The following CAPN3 variants were observed in gnomAD, a reference collection of about 807,000 sequenced individuals.
CAPN3 encodes the protein calpain 3, also known as calpain-3.
A neutral mutation model predicts 114.0 loss-of-function variants in CAPN3; 88 were observed. That is an observed-to-expected ratio of 0.77 (90% confidence interval 0.65 to 0.92). The LOEUF (loss-of-function observed/expected upper bound fraction) is 0.92, where lower values mean the gene tolerates loss of function less well. Among genes scored for constraint, CAPN3 ranks in the 40% least tolerant of loss-of-function variants. The probability of loss-of-function intolerance (pLI) is 0.00; values close to 1 mark genes in which losing one functional copy is unlikely to be tolerated. For missense variants in CAPN3, 1,028 were observed against 1,069.0 expected (o/e 0.96, Z 0.53); for synonymous variants, 386 against 382.9 (o/e 1.01, Z -0.09).
At chr15:42,388,156 T>C (rs535633114) in intron 4 of CAPN3, among the ~76,000 whole-genome samples, 6 of 152,326 alleles carry the variant, frequency 3.9e-5, no homozygotes, top group Non-Finnish European at 5.9e-5. Flanking sequence ...TGCACCTCCA[T>C]GGTGGCATTG....
rs868791726 is a variant in CAPN3, at chr15:42,410,925, C to T, written c.2305C>T (p.Arg769Trp). ...CCAGCTCTATGACATCATTACCATG[C>T]GGTACGCAGACAAACACATGAACAT... The part of the protein sequence containing the change: ...NNQLYDIITM[R>W]YADKHMNIDF... Residue 769 changes from arginine to tryptophan, a missense_variant, in exon 22 of 24, where the codon CGG (arginine) becomes TGG (tryptophan). Arg to Trp is a moderately radical substitution (Grantham distance 101, BLOSUM62 -3). Transcript: ENST00000397163. 24 of 1,614,144 alleles carry T rather than the reference C, an allele frequency of 1.5e-5. No homozygotes were observed. Among genetic ancestry groups the T allele is most frequent in the East Asian group, 4.5e-5 (2 of 44,888 alleles).
intron 12 of CAPN3, 162 bp from the exon 13 acceptor site, chr15:42,402,632 G>C: frequency 3.3e-6 from 5 of 1,530,192 alleles, no homozygotes; most frequent in Non-Finnish European, 4.4e-6. Context: ...AAGAGGAAGT[G>C]AGGTAGGGAG....
chr15:42,387,991 G>T lies in CAPN3; in HGVS notation c.632+105G>T, dbSNP rs533681422. ...GGAAGAGGCATGTGCCTCTATACGT[G>T]CATATGTGTGGGCATGCAAGTCCAA... On this transcript the variant is annotated intron_variant, in intron 4 of 23. Coordinates refer to ENST00000397163, the MANE Select transcript of CAPN3 (RefSeq NM_000070.3). 7.4e-5 allele frequency: 102 copies of T among 1,374,192 alleles called. No homozygotes were observed. The South Asian group carries it at 7.8e-4, about 11-fold the overall frequency. The allele number at this position is 1,374,192 out of a possible 1,614,324, so 85.1% of individuals were successfully genotyped here.
At chr15:42,370,030 G>A (rs1217498746) in intron 1 of CAPN3, among the ~76,000 whole-genome samples, 5 of 151,964 alleles carry the variant, frequency 3.3e-5, no homozygotes, top group East Asian at 1.9e-4. Flanking sequence ...CCGGCACCAC[G>A]CTTGGCTAAT....
At chr15:42,366,240 T>C (rs989391138) in intron 1 of CAPN3, among the ~76,000 whole-genome samples, 1 of 152,188 alleles carries the variant, frequency 6.6e-6, no homozygotes, top group African/African-American at 2.4e-5. Context: ...CCCATCTAAC[T>C]CACAACCCTG....
intron 4 of CAPN3, 129 bp from the exon 5 acceptor site, chr15:42,388,799 A>G: frequency 1.2e-6 from 1 of 828,044 alleles, no homozygotes; most frequent in East Asian, 2.4e-5. Context: ...CCATGAGCTC[A>G]TAGGGTTAAT....
rs569119291 is a variant in CAPN3 at position 42,408,340 on chromosome 15, G to A, written c.1914+16G>A. 5.8e-6 allele frequency: 9 copies of A among 1,552,302 alleles called. No homozygotes were observed. The highest frequency in any genetic ancestry group is 4.4e-6 in the Non-Finnish European group (5 of 1,124,192). ...GTCCCCACAGGTGTCTGGGCATGTG[G>A]CATGGGTGGGGTGGCCAGCACGCTA... is the stretch of plus-strand genomic sequence containing the variant. On this transcript the variant is annotated intron_variant, in intron 16 of 23. Coordinates refer to ENST00000397163, the MANE Select transcript of CAPN3 (RefSeq NM_000070.3).
chr15:42,395,295 ATGCACGC>A (rs1365112992), intron 8 of CAPN3, among the ~76,000 whole-genome samples: 1 of 152,070 alleles, frequency 6.6e-6, no homozygotes, highest in Non-Finnish European at 1.5e-5. Flanking sequence ...TCCTTCACCT[ATGCACGC>A]TACACCTATC....
At chr15:42,363,173 A>G (rs1057349603) in intron 1 of CAPN3, among the ~76,000 whole-genome samples, 2 of 152,162 alleles carry the variant, frequency 1.3e-5, no homozygotes, top group East Asian at 1.9e-4. Flanking sequence ...CACCAGTGCT[A>G]CCTCACAGAC....
chr15:42,402,227 G>A (rs2053893312), intron 12 of CAPN3, 92 bp downstream of exon 12: 1 of 1,607,004 alleles, frequency 6.2e-7, no homozygotes, highest in Non-Finnish European at 8.5e-7. Context: ...TCCTGGTGGG[G>A]TTTGTGGGCA....
chr15:42,404,940 G>A, intron 14 of CAPN3: 1 of 999,452 alleles, frequency 1.0e-6, no homozygotes, highest in Non-Finnish European at 1.2e-6. Context: ...AAAGCTTATG[G>A]GAGCTGGCAC....
chr15:42,382,373 G>GT (rs1432866186), intron 1 of CAPN3, among the ~76,000 whole-genome samples: 2 of 151,702 alleles, frequency 1.3e-5, no homozygotes, highest in African/African-American at 4.8e-5. Context: ...TTTTGTTTTT[G>GT]TTTTTGTTTT....
chr15:42,388,458 A>G lies in CAPN3; in HGVS notation c.633-470A>G, dbSNP rs28364413. 3.7e-3 allele frequency among the ~76,000 whole-genome samples: 569 copies of G among 152,210 alleles called. 25 individuals are homozygous for G. In the East Asian group the frequency reaches 0.095, roughly 25 times the overall value. ...GTAGCTGGGACTACATGCGGGCATC[A>G]CCATGCCCAGTTAATTTTTGTATTT... On this transcript the variant is annotated intron_variant, in intron 4 of 23. Coordinates refer to ENST00000397163, the MANE Select transcript of CAPN3 (RefSeq NM_000070.3).
chr15:42,359,716 T>TC lies in CAPN3; in HGVS notation c.-88dup. On this transcript the variant is annotated 5_prime_UTR_variant, in exon 1 of 24. It removes the in-frame stop codon of an upstream open reading frame in the 5' UTR. Coordinates refer to ENST00000397163, the MANE Select transcript of CAPN3 (RefSeq NM_000070.3). Reference sequence around the variant, plus strand: ...CTTTTCTCTCAGATGACAGAATTACTCCAACTTCCCCTTTGCAGTTGCTTC... The same window carrying TC: ...CTTTTCTCTCAGATGACAGAATTACTCCCAACTTCCCCTTTGCAGTTGCTTC... 1 of 1,597,292 alleles carries TC rather than the reference T, an allele frequency of 6.3e-7. No individual in the cohort carries two copies. The highest frequency in any genetic ancestry group is 1.1e-5 in the South Asian group (1 of 88,828).
chr15:42,403,058 A>G, intron 13 of CAPN3, 56 bp downstream of exon 13: 1 of 1,465,864 alleles, frequency 6.8e-7, no homozygotes, highest in Non-Finnish European at 9.6e-7. Flanking sequence ...GGCCCACTCC[A>G]GAGGTTGAAG....
intron 14 of CAPN3, among the ~76,000 whole-genome samples, chr15:42,404,539 G>A (rs1313312841): frequency 6.6e-6 from 1 of 152,224 alleles, no homozygotes; most frequent in Non-Finnish European, 1.5e-5. Flanking sequence ...CAGACTCTCT[G>A]ACTCCAGACT....
chr15:42,396,659 C>G, intron 8 of CAPN3, 141 bp from the exon 9 acceptor site: 1 of 697,762 alleles, frequency 1.4e-6, no homozygotes, highest in South Asian at 1.6e-5. Flanking sequence ...TTGGGTTTCA[C>G]ACTGAGGTTA....
rs1209061876 is a variant in CAPN3 at position 42,410,906 on chromosome 15, C to G, written c.2286C>G (p.Leu762=). The change falls in exon 22 of 24, where the codon CTC becomes CTG. Residue 762 remains leucine (L), a synonymous_variant. Transcript: ENST00000397163. The part of the protein sequence containing the change: ...NDAGFHLNNQ[L]YDIITMRYAD... ...CAGGATTCCACCTCAACAACCAGCT[C>G]TATGACATCATTACCATGCGGTACG... The G allele has an allele frequency of 6.2e-7, 1 of 1,614,036 alleles. No homozygotes were observed. The highest frequency in any genetic ancestry group is 1.3e-5 in the African/African-American group (1 of 74,930).
intron 14 of CAPN3, chr15:42,404,336 CAG>C (rs1304936027): frequency 4.4e-6 from 2 of 456,408 alleles, no homozygotes; most frequent in Admixed American, 2.3e-5. Flanking sequence ...GGCACTCAAA[CAG>C]AGGTGCTTTT....
Sources: gnomAD v4.1 joint callset for allele counts (sites outside exome capture counted in the v4.1 genomes callset) on GRCh38, gnomAD v4.1.1 for gene constraint, MANE v1.5 for transcripts, NCBI Gene and HGNC (gene_info 2026-07-23, HGNC 2026-07-21) for gene names.